Variants in NDUFB4 observed in about 807,000 individuals in gnomAD.
NDUFB4 encodes NADH:ubiquinone oxidoreductase subunit B4.
In NDUFB4, 10 loss-of-function variants were observed where a neutral mutation model predicts 14.5. The ratio of observed to expected loss-of-function variants is 0.69; its 90% confidence interval spans 0.43 to 1.17. The LOEUF is 1.17. NDUFB4 is among the 50% of genes most tolerant of loss of function. The probability of loss-of-function intolerance (pLI) is 0.00; values close to 1 mark genes in which losing one functional copy is unlikely to be tolerated. For synonymous variants in NDUFB4, 65 were observed against 63.4 expected, an observed-to-expected ratio of 1.03 and a Z score of -0.12; for missense variants, 165 against 161.1, an observed-to-expected ratio of 1.02 and a Z score of -0.13.
chr3:120,601,939 A>G (rs1940070872), intron 2 of NDUFB4: 4 of 1,194,256 alleles, frequency 3.3e-6, no homozygotes, highest in Non-Finnish European at 4.1e-6. Context: ...TATATTTCTA[A>G]TGACTAAAAT....
chr3:120,597,250 ACT>A (rs891697774), intron 1 of NDUFB4, among the ~76,000 whole-genome samples: 8 of 151,428 alleles, frequency 5.3e-5, no homozygotes, highest in Non-Finnish European at 1.2e-4. Flanking sequence ...TCATTGGCTA[ACT>A]CTGTTACCTT....
chr3:120,599,881 G>C (rs1383885344), intron 1 of NDUFB4, among the ~76,000 whole-genome samples: 1 of 151,992 alleles, frequency 6.6e-6, no homozygotes, highest in Non-Finnish European at 1.5e-5. Context: ...ACATCCCCTT[G>C]GACCTAATCT....
intron 1 of NDUFB4, among the ~76,000 whole-genome samples, chr3:120,599,744 C>T (rs1195048553): frequency 6.6e-6 from 1 of 152,082 alleles, no homozygotes; most frequent in Non-Finnish European, 1.5e-5. Context: ...ACAGATCTGG[C>T]AGATATTAAA....
intron 2 of NDUFB4, 31 bp downstream of exon 2, chr3:120,601,288 G>T: frequency 6.2e-7 from 1 of 1,611,482 alleles, no homozygotes; most frequent in South Asian, 1.1e-5. Context: ...TTTAGTATTT[G>T]AGTGATAGGT....
intron 2 of NDUFB4, chr3:120,601,924 G>T: frequency 1.7e-6 from 2 of 1,161,290 alleles, no homozygotes; most frequent in Non-Finnish European, 1.1e-6. Context: ...GGTTTTATGG[G>T]ATAATATATT....
intron 1 of NDUFB4, 22 bp from the exon 2 acceptor site, chr3:120,601,089 T>G: frequency 6.3e-7 from 1 of 1,590,022 alleles, no homozygotes; most frequent in Non-Finnish European, 8.6e-7. Flanking sequence ...GTTCTATAAC[T>G]TTTTGTTTTC....
Position 120,602,349 on chromosome 3 carries a change from G to A in NDUFB4, c.*79G>A, listed in dbSNP as rs1293441734. The A allele has an allele frequency of 4.5e-6, 6 of 1,328,950 alleles. No homozygotes were observed. The African/African-American group carries it at 8.9e-5, about 20-fold the overall frequency. The allele number at this position is 1,328,950 out of a possible 1,614,324, so 82.3% of individuals were successfully genotyped here. On this transcript the variant is annotated 3_prime_UTR_variant, in exon 3 of 3. Transcript: ENST00000184266. ...ATTAAGTAGTAGTTTCTCTTTCTTAGTATTACCTTGATTCAATGTTAAAAA... is the reference window on the plus strand; with the variant it reads ...ATTAAGTAGTAGTTTCTCTTTCTTAATATTACCTTGATTCAATGTTAAAAA...
chr3:120,596,613 C>T (rs746782183), intron 1 of NDUFB4, 74 bp downstream of exon 1: 2 of 1,489,066 alleles, frequency 1.3e-6, no homozygotes, highest in Non-Finnish European at 1.8e-6. Flanking sequence ...CGCAAAGGGT[C>T]GGCCACCGCT....
intron 1 of NDUFB4, 139 bp downstream of exon 1, chr3:120,596,678 CT>C: frequency 2.1e-6 from 2 of 959,650 alleles, no homozygotes; most frequent in African/African-American, 1.6e-5. Context: ...ACTCACTACC[CT>C]TTTACCTTTG....
chr3:120,599,858 C>T (rs530106560), intron 1 of NDUFB4, among the ~76,000 whole-genome samples: 3 of 152,146 alleles, frequency 2.0e-5, no homozygotes, highest in Admixed American at 6.5e-5. Context: ...ATCCTTTCAG[C>T]TATTGAGCTT....
intron 1 of NDUFB4, among the ~76,000 whole-genome samples, chr3:120,598,012 A>G (rs1939995004): frequency 6.6e-6 from 1 of 151,438 alleles, no homozygotes; most frequent in East Asian, 1.9e-4. Flanking sequence ...GTGTGACACT[A>G]TCATTTATTA....
chr3:120,596,591 C>A (rs1939960206), intron 1 of NDUFB4, 52 bp downstream of exon 1: 4 of 1,575,124 alleles, frequency 2.5e-6, no homozygotes, highest in East Asian at 2.3e-5. Context: ...TGGGAGAGAC[C>A]GAGAGAGACC....
chr3:120,596,954 ATATAT>A lies in NDUFB4; in HGVS notation c.180+426_180+430del, dbSNP rs558899779. ...AAAATGTTTCTATATATATGCATAT[ATATAT>A]TATATTATATATATATTCTATATAT... On this transcript the variant is annotated intron_variant, in intron 1 of 2. Transcript: ENST00000184266. Among the ~76,000 whole-genome samples, 636 of 144,960 alleles carry A rather than the reference ATATAT, an allele frequency of 4.4e-3. 4 individuals carry two copies. The highest frequency in any genetic ancestry group is 0.014 in the African/African-American group (553 of 40,308).
Position 120,601,021 on chromosome 3 carries a change from G to A in NDUFB4, c.181-90G>A, listed in dbSNP as rs192691853. On this transcript the variant is annotated intron_variant, in intron 1 of 2. Transcript: ENST00000184266. ...TTAACTGTTCTAGAGAACAAAATGC[G>A]TCTGTGCTCCTTCACAAAAGTCCCT... 378 of 1,127,638 alleles carry A rather than the reference G, an allele frequency of 3.4e-4. 1 individual carries two copies. The African/African-American group carries it at 3.8e-3, about 11-fold the overall frequency. 69.9% of individuals were successfully genotyped at this position (1,127,638 alleles called of 1,614,324 possible).
intron 1 of NDUFB4, among the ~76,000 whole-genome samples, chr3:120,600,680 C>T (rs753546007): frequency 3.3e-5 from 5 of 152,146 alleles, no homozygotes; most frequent in Non-Finnish European, 5.9e-5. Context: ...AAATACAAAG[C>T]ATGATAGAGC....
chr3:120,602,165 C>T, intron 2 of NDUFB4, 43 bp from the exon 3 acceptor site: 2 of 1,585,822 alleles, frequency 1.3e-6, no homozygotes, highest in Non-Finnish European at 1.7e-6. Flanking sequence ...AGCCAACTGG[C>T]AGAATATATT....
intron 2 of NDUFB4, 31 bp from the exon 3 acceptor site, chr3:120,602,177 T>C: frequency 6.3e-7 from 1 of 1,597,858 alleles, no homozygotes; most frequent in African/African-American, 1.4e-5. Context: ...GAATATATTG[T>C]CTTTAATGTA....
chr3:120,597,363 A>G (rs1300766310), intron 1 of NDUFB4, among the ~76,000 whole-genome samples: 2 of 152,224 alleles, frequency 1.3e-5, no homozygotes, highest in Non-Finnish European at 2.9e-5. Context: ...TTCGCAGCAC[A>G]TAATATATGC....
At chr3:120,600,764 C>T (rs1017942361) in intron 1 of NDUFB4, among the ~76,000 whole-genome samples, 3 of 152,170 alleles carry the variant, frequency 2.0e-5, no homozygotes, top group Non-Finnish European at 4.4e-5. Context: ...AAGCTAAAAA[C>T]AGTCCAGAGA....
Sources: gnomAD v4.1 joint callset for allele counts (sites outside exome capture counted in the v4.1 genomes callset) on GRCh38, gnomAD v4.1.1 for gene constraint, MANE v1.5 for transcripts, NCBI Gene and HGNC (gene_info 2026-07-23, HGNC 2026-07-21) for gene names.